The following RYK variants were observed in gnomAD, a reference collection of about 807,000 sequenced individuals.
RYK encodes the protein receptor like tyrosine kinase.
RYK carries 21 observed loss-of-function variants against 70.2 expected under a neutral mutation model. The observed-to-expected ratio is 0.30, with a 90% CI of 0.21 to 0.43. The LOEUF (loss-of-function observed/expected upper bound fraction) is 0.43. Ranked by LOEUF, RYK falls within the 20% of genes least tolerant of loss-of-function variation. The pLI, the probability that RYK is intolerant of heterozygous loss-of-function variation, is 1.00. For synonymous variants in RYK, 267 were observed against 278.0 expected (o/e 0.96, Z 0.39); for missense variants, 604 against 753.3 (o/e 0.80, Z 2.32).
At chr3:134,201,875 AGAG>A (rs920075186) in intron 6 of RYK, among the ~76,000 whole-genome samples, 15 of 152,248 alleles carry the variant, frequency 9.9e-5, no homozygotes, top group Non-Finnish European at 1.5e-4. Flanking sequence ...TGGAAATCAC[AGAG>A]GAGGGAAGTA....
intron 1 of RYK, among the ~76,000 whole-genome samples, chr3:134,225,601 C>A (rs1239159139): frequency 2.0e-5 from 3 of 152,154 alleles, no homozygotes; most frequent in Non-Finnish European, 1.5e-5. Context: ...CACCTGTAAT[C>A]CCAGCTCTTT....
intron 1 of RYK, among the ~76,000 whole-genome samples, chr3:134,250,096 G>A (rs1053497598): frequency 9.9e-5 from 15 of 151,996 alleles, no homozygotes; most frequent in Admixed American, 7.2e-4. Flanking sequence ...ACTTCGTGCA[G>A]CAAGGAAAAA....
chr3:134,248,940 G>A (rs896504024), intron 1 of RYK, among the ~76,000 whole-genome samples: 7 of 152,064 alleles, frequency 4.6e-5, no homozygotes, highest in Non-Finnish European at 8.8e-5. Context: ...GTAGGGGCAG[G>A]TATATGGCAG....
chr3:134,190,873 T>C (rs2013622336), intron 8 of RYK, among the ~76,000 whole-genome samples: 1 of 152,242 alleles, frequency 6.6e-6, no homozygotes, highest in South Asian at 2.1e-4. Context: ...CTGGTCTACT[T>C]ACTCTCTTCA....
chr3:134,175,485 G>T, intron 13 of RYK, 124 bp downstream of exon 13: 1 of 1,137,586 alleles, frequency 8.8e-7, no homozygotes, highest in Non-Finnish European at 1.3e-6. Flanking sequence ...CTTGCTTTCT[G>T]GATAAAAATT....
intron 13 of RYK, among the ~76,000 whole-genome samples, chr3:134,173,680 C>T (rs6776104): frequency 8.7e-4 from 132 of 152,168 alleles, no homozygotes; most frequent in African/African-American, 2.9e-3. Context: ...TCGCCCTTGA[C>T]GTGGGGATTA....
chr3:134,225,764 T>C (rs2014889497), intron 1 of RYK, among the ~76,000 whole-genome samples: 1 of 151,976 alleles, frequency 6.6e-6, no homozygotes, highest in African/African-American at 2.4e-5. Flanking sequence ...GGATGAGGCA[T>C]GAGGATGGCT....
Position 134,177,956 on chromosome 3 carries a change from C to T in RYK, c.1290G>A (p.Glu430=), listed in dbSNP as rs1560004483. ...KLFLRQCKLV[E]ANNPQAISQQ... is the part of the protein sequence containing the mutation. ...TTTTTCTCACCTGTGGATTATTGGC[C>T]TCTACTAACTTGCACTGTCGTAAAA... The change falls in exon 11 of 15, where the codon GAG becomes GAA. Residue 430 remains glutamate (E), a synonymous_variant. Coordinates refer to ENST00000623711, the MANE Select transcript of RYK (RefSeq NM_002958.4). 6.2e-7 allele frequency: 1 copy of T among 1,610,700 alleles called. No homozygotes were observed. Among genetic ancestry groups the T allele is most frequent in the Non-Finnish European group, 8.5e-7 (1 of 1,178,912 alleles).
At chr3:134,230,507 G>C (rs1234108636) in intron 1 of RYK, among the ~76,000 whole-genome samples, 1 of 152,218 alleles carries the variant, frequency 6.6e-6, no homozygotes, top group African/African-American at 2.4e-5. Flanking sequence ...GAAAATAAGA[G>C]ACTTTGTAAC....
chr3:134,246,111 T>G (rs1227142805), intron 1 of RYK, among the ~76,000 whole-genome samples: 1 of 150,988 alleles, frequency 6.6e-6, no homozygotes, highest in African/African-American at 2.4e-5. Context: ...ATCCATAAAA[T>G]AAGATGCAAT....
intron 1 of RYK, among the ~76,000 whole-genome samples, chr3:134,247,457 A>G (rs2107700228): frequency 6.6e-6 from 1 of 152,338 alleles, no homozygotes; most frequent in East Asian, 1.9e-4. Context: ...TAATCCCAGC[A>G]CTTTGGGAGG....
intron 1 of RYK, among the ~76,000 whole-genome samples, chr3:134,243,129 G>C (rs979533890): frequency 1.3e-5 from 2 of 152,134 alleles, no homozygotes; most frequent in African/African-American, 4.8e-5. Flanking sequence ...TGGGAGGAGA[G>C]GAATACATGG....
chr3:134,216,874 T>C (rs1053436973), intron 2 of RYK, among the ~76,000 whole-genome samples: 1 of 146,230 alleles, frequency 6.8e-6, no homozygotes, highest in African/African-American at 2.5e-5. Flanking sequence ...TATTGGGGAA[T>C]GTTCTGGAAT....
At chr3:134,183,679 C>T (rs1416471011) in intron 9 of RYK, among the ~76,000 whole-genome samples, 2 of 152,184 alleles carry the variant, frequency 1.3e-5, no homozygotes, top group Non-Finnish European at 1.5e-5. Flanking sequence ...TACCTTCCAT[C>T]ATCAATCCCA....
Position 134,159,376 on chromosome 3 carries a change from A to AG in RYK, c.1576-4dup. The AG allele has an allele frequency of 2.5e-6, 4 of 1,597,414 alleles. No homozygotes were observed. The highest frequency in any genetic ancestry group is 3.4e-6 in the Non-Finnish European group (4 of 1,171,028). On this transcript the variant is annotated splice_region_variant and splice_polypyrimidine_tract_variant and intron_variant, in intron 13 of 14. Coordinates refer to ENST00000623711, the MANE Select transcript of RYK (RefSeq NM_002958.4). Reference sequence around the variant, plus strand: ...CACAGCGTCACTCCAAAGGCCCACTAGTAAAGGAGCAGAAGCACAATGAGG... The same window carrying AG: ...CACAGCGTCACTCCAAAGGCCCACTAGGTAAAGGAGCAGAAGCACAATGAGG...
At chr3:134,163,372 C>G (rs888098993) in intron 13 of RYK, among the ~76,000 whole-genome samples, 1 of 152,130 alleles carries the variant, frequency 6.6e-6, no homozygotes, top group African/African-American at 2.4e-5. Flanking sequence ...TTCTGTTTGA[C>G]GTCGGTGGAA....
At chr3:134,186,838 T>C (rs1222702544) in intron 9 of RYK, among the ~76,000 whole-genome samples, 1 of 152,116 alleles carries the variant, frequency 6.6e-6, no homozygotes, top group African/African-American at 2.4e-5. Flanking sequence ...CTACACAGTC[T>C]ATAGAATACT....
intron 7 of RYK, among the ~76,000 whole-genome samples, chr3:134,192,883 G>T (rs1356517798): frequency 1.3e-5 from 2 of 152,178 alleles, no homozygotes; most frequent in African/African-American, 4.8e-5. Context: ...GTCTAGGTGT[G>T]TGAGTATATG....
chr3:134,198,528 G>A (rs780377660), intron 6 of RYK, among the ~76,000 whole-genome samples: 11 of 152,154 alleles, frequency 7.2e-5, no homozygotes, highest in African/African-American at 2.7e-4. Context: ...CACAAAGGCA[G>A]GACAAGTGCC....
Sources: allele counts gnomAD v4.1 joint callset (sites outside exome capture counted in the v4.1 genomes callset), GRCh38; gene constraint gnomAD v4.1.1; transcripts MANE v1.5; gene names NCBI Gene and HGNC (gene_info 2026-07-23, HGNC 2026-07-21).